Variants in CAPS2 observed in about 807,000 individuals in gnomAD.
CAPS2 encodes calcyphosin-2.
In CAPS2, 98 loss-of-function variants were observed where a neutral mutation model predicts 86.5. The observed-to-expected ratio is 1.13, with a 90% CI of 0.96 to 1.34. The LOEUF is 1.34. Ranked by LOEUF, CAPS2 falls within the 40% of genes most tolerant of loss-of-function variation. The pLI is 0.00. For synonymous variants in CAPS2, 210 were observed against 225.1 expected (o/e 0.93, Z 0.60); for missense variants, 729 against 686.8 (o/e 1.06, Z -0.69).
At chr12:75,306,087 C>T (rs1460736716) in intron 7 of CAPS2, 6 of 1,451,960 alleles carry the variant, frequency 4.1e-6, no homozygotes, top group Admixed American at 3.6e-5. Flanking sequence ...CCTGGGGCTG[C>T]GGCCCTGGAA....
intron 5 of CAPS2, among the ~76,000 whole-genome samples, chr12:75,319,202 T>C (rs2040067621): frequency 6.6e-6 from 1 of 152,180 alleles, no homozygotes; most frequent in Non-Finnish European, 1.5e-5. Context: ...AAAGGAAATT[T>C]ACCATTAGAA....
chr12:75,276,689 A>T (rs1186441995), downstream of CAPS2: 1 of 806,708 alleles, frequency 1.2e-6, no homozygotes, highest in African/African-American at 1.9e-5. Context: ...TTTTTAAAAT[A>T]TAAAAACAGA....
rs1436925152 is a variant in CAPS2 at position 75,351,549 on chromosome 12, TG to T, written c.-394-28328del. 1.9e-3 allele frequency among the ~76,000 whole-genome samples: 252 copies of T among 135,844 alleles called. 2 individuals carry two copies. The highest frequency in any genetic ancestry group is 5.1e-3 in the African/African-American group (174 of 33,900). The allele number at this position is 135,844 out of a possible 152,430, so 89.1% of individuals were successfully genotyped here. ...CAATATTTAACACTCTGTTTTGTTT[TG>T]TTTTTTTTTTTTTTGAGATGGAGTC... On this transcript the variant is annotated intron_variant, in intron 1 of 5. Coordinates refer to the CAPS2 transcript ENST00000551829.
intron 1 of CAPS2, among the ~76,000 whole-genome samples, chr12:75,383,061 A>C (rs1240225567): frequency 6.6e-6 from 1 of 152,224 alleles, no homozygotes; most frequent in African/African-American, 2.4e-5. Context: ...CCTTATTAGA[A>C]AATGTACACA....
At chr12:75,377,846 T>TAC (rs903556551) in intron 1 of CAPS2, among the ~76,000 whole-genome samples, 1 of 41,664 alleles carries the variant, frequency 2.4e-5, no homozygotes, top group Non-Finnish European at 5.3e-5. Flanking sequence ...CACAGATATA[T>TAC]ATATATATAT....
chr12:75,378,094 C>T (rs1232494935), intron 1 of CAPS2, among the ~76,000 whole-genome samples: 1 of 151,896 alleles, frequency 6.6e-6, no homozygotes, highest in Non-Finnish European at 1.5e-5. Flanking sequence ...ACCTACCAGG[C>T]TCAAGCAATT....
In CAPS2 at chr12:75,385,804, T is replaced by C. The variant is rs551176453; in HGVS notation, c.-395+5034A>G. ...AGTTACTTTAAATTGCTTTCCTATA[T>C]ACTAGCCATGAACAAGTAGAATTTA... On this transcript the variant is annotated intron_variant, in intron 1 of 5. Transcript: ENST00000551829. Among the ~76,000 whole-genome samples, 4 of 152,324 alleles carry C rather than the reference T, an allele frequency of 2.6e-5. No homozygotes were observed. The South Asian group carries it at 8.3e-4, about 32-fold the overall frequency.
Position 75,300,764 on chromosome 12 carries a change from C to T in CAPS2, c.780-853G>A, listed in dbSNP as rs144366989. Among the ~76,000 whole-genome samples, 57 of 151,976 alleles carry T rather than the reference C, an allele frequency of 3.8e-4. No individual in the cohort carries two copies. The East Asian group carries it at 0.01, about 27-fold the overall frequency. On this transcript the variant is annotated intron_variant, in intron 8 of 16. Transcript: ENST00000393284. The stretch of plus-strand genomic sequence containing the variant: ...TATAGCCACCATGAGATCAATCCAC[C>T]ACATCAGAACGACCAAAAAGATATA...
In CAPS2 at chr12:75,347,284, T is replaced by C. The variant is rs1593714444; in HGVS notation, c.-394-24062A>G. 3.3e-5 allele frequency among the ~76,000 whole-genome samples: 5 copies of C among 152,240 alleles called. No individual in the cohort carries two copies. The South Asian group carries it at 1.0e-3, about 32-fold the overall frequency. The stretch of plus-strand genomic sequence containing the variant: ...TTTATAGTCTGATTTTCATATTGTT[T>C]GTATGATATTCCCAGGGATAGAATT... On this transcript the variant is annotated intron_variant, in intron 1 of 5. Transcript: ENST00000551829.
chr12:75,333,628 G>A (rs2041498556), upstream of CAPS2, among the ~76,000 whole-genome samples: 2 of 151,930 alleles, frequency 1.3e-5, no homozygotes, highest in African/African-American at 4.8e-5. Flanking sequence ...TGCATTTTTC[G>A]TTTTCTTATA....
chr12:75,284,148 C>A (rs376593306), intron 15 of CAPS2, among the ~76,000 whole-genome samples: 2 of 152,082 alleles, frequency 1.3e-5, no homozygotes, highest in South Asian at 4.1e-4. Context: ...AAACCTATCA[C>A]CAGGAAGGAC....
chr12:75,306,747 A>G (rs2038550841), intron 7 of CAPS2, among the ~76,000 whole-genome samples: 2 of 152,092 alleles, frequency 1.3e-5, no homozygotes, highest in Non-Finnish European at 2.9e-5. Flanking sequence ...AGCTGGCCTA[A>G]CCAAGAGAAA....
intron 1 of CAPS2, among the ~76,000 whole-genome samples, chr12:75,383,194 A>C (rs966487038): frequency 6.6e-6 from 1 of 152,192 alleles, no homozygotes; most frequent in South Asian, 2.1e-4. Context: ...TTTTTATATG[A>C]AGTATATAAT....
intron 1 of CAPS2, chr12:75,347,501 C>T (rs1475755096): frequency 4.3e-6 from 2 of 460,798 alleles, no homozygotes; most frequent in African/African-American, 2.1e-5. Context: ...AAATATGTAA[C>T]TAATAAATAT....
chr12:75,338,786 T>G (rs2041906275), intron 1 of CAPS2, among the ~76,000 whole-genome samples: 1 of 152,142 alleles, frequency 6.6e-6, no homozygotes, highest in East Asian at 1.9e-4. Flanking sequence ...CAATGTGTGT[T>G]GATCCCCCCA....
At chr12:75,330,943 C>T (rs902950614), upstream of CAPS2, among the ~76,000 whole-genome samples, 3 of 152,032 alleles carry the variant, frequency 2.0e-5, no homozygotes, top group African/African-American at 4.8e-5. Context: ...CACCACCACG[C>T]CCGGTTAATA....
At chr12:75,375,394 A>G (rs2044599398) in intron 1 of CAPS2, among the ~76,000 whole-genome samples, 1 of 152,130 alleles carries the variant, frequency 6.6e-6, no homozygotes, top group African/African-American at 2.4e-5. Context: ...TAGTTCCTGC[A>G]AGGTCTCATC....
At chr12:75,283,681 G>A (rs1368716253) in intron 15 of CAPS2, among the ~76,000 whole-genome samples, 1 of 152,130 alleles carries the variant, frequency 6.6e-6, no homozygotes, top group African/African-American at 2.4e-5. Context: ...AGGCATCGTG[G>A]TGCGTGCCTA....
chr12:75,300,167 T>C (rs982000655), intron 8 of CAPS2, among the ~76,000 whole-genome samples: 18 of 152,182 alleles, frequency 1.2e-4, no homozygotes, highest in African/African-American at 4.1e-4. Context: ...AAGTAAATAC[T>C]GAATAGAGAT....
Sources: allele counts gnomAD v4.1 joint callset (sites outside exome capture counted in the v4.1 genomes callset), GRCh38; gene constraint gnomAD v4.1.1; transcripts MANE v1.5; gene names NCBI Gene and HGNC (gene_info 2026-07-23, HGNC 2026-07-21).